The following POU2F3 variants were observed in gnomAD, a reference collection of about 807,000 sequenced individuals.
POU2F3 encodes POU class 2 homeobox 3, also known as POU domain, class 2, transcription factor 3.
A neutral mutation model predicts 59.2 loss-of-function variants in POU2F3; 23 were observed. The ratio of observed to expected loss-of-function variants is 0.39; its 90% confidence interval spans 0.28 to 0.55. The LOEUF (loss-of-function observed/expected upper bound fraction) is 0.55. POU2F3 is among the 20% of genes least tolerant of loss of function. The pLI is 0.66. For missense variants in POU2F3, 473 were observed against 544.5 expected, an observed-to-expected ratio of 0.87 and a Z score of 1.31; for synonymous variants, 190 against 214.6, an observed-to-expected ratio of 0.89 and a Z score of 1.00.
At chr11:120,260,935 G>A (rs184017141) in intron 2 of POU2F3, among the ~76,000 whole-genome samples, 4 of 152,130 alleles carry the variant, frequency 2.6e-5, no homozygotes, top group Admixed American at 1.3e-4. Context: ...AGTTGTGGTA[G>A]CACACCTGTG....
At chr11:120,294,298 G>C (rs1391165991) in intron 3 of POU2F3, among the ~76,000 whole-genome samples, 1 of 152,220 alleles carries the variant, frequency 6.6e-6, no homozygotes, top group African/African-American at 2.4e-5. Context: ...AGGCTGCTCA[G>C]TGGCTGTGGC....
chr11:120,255,838 C>A (rs566685574), intron 2 of POU2F3, among the ~76,000 whole-genome samples: 1 of 152,166 alleles, frequency 6.6e-6, no homozygotes, highest in Admixed American at 6.5e-5. Flanking sequence ...AGGACCACTG[C>A]GTGAATTCTG....
At chr11:120,298,501 G>A (rs1941254865) in intron 4 of POU2F3, 111 bp downstream of exon 4, 13 of 1,441,310 alleles carry the variant, frequency 9.0e-6, no homozygotes. Flanking sequence ...GGCAATGTGG[G>A]AAAGAGATCT....
intron 10 of POU2F3, among the ~76,000 whole-genome samples, 192 bp downstream of exon 10, chr11:120,309,778 G>A (rs959718462): frequency 6.6e-6 from 1 of 152,212 alleles, no homozygotes; most frequent in Admixed American, 6.5e-5. Context: ...CAGTAGAGAG[G>A]TCAGAGAGGA....
At chr11:120,314,355 G>A (rs1325487084) in intron 10 of POU2F3, among the ~76,000 whole-genome samples, 1 of 152,064 alleles carries the variant, frequency 6.6e-6, no homozygotes, top group Non-Finnish European at 1.5e-5. Context: ...AAGAATAAGG[G>A]GCAGTGAAAA....
chr11:120,317,081 C>A, intron 11 of POU2F3, 148 bp from the exon 12 acceptor site: 1 of 852,940 alleles, frequency 1.2e-6, no homozygotes, highest in Non-Finnish European at 1.9e-6. Flanking sequence ...GCTAATGAGG[C>A]AGGAGGTAGT....
chr11:120,267,253 C>T (rs540285625), intron 2 of POU2F3, among the ~76,000 whole-genome samples: 7 of 152,072 alleles, frequency 4.6e-5, no homozygotes, highest in Admixed American at 2.6e-4. Flanking sequence ...CTCACCCTCC[C>T]GAATAGCTGG....
intron 3 of POU2F3, among the ~76,000 whole-genome samples, chr11:120,291,366 A>G (rs1941013130): frequency 6.6e-6 from 1 of 152,208 alleles, no homozygotes; most frequent in Non-Finnish European, 1.5e-5. Context: ...GGTCTTTAGG[A>G]CTAACTTGAC....
chr11:120,299,248 T>C (rs774575379), intron 4 of POU2F3, among the ~76,000 whole-genome samples: 3 of 152,266 alleles, frequency 2.0e-5, no homozygotes, highest in East Asian at 1.9e-4. Flanking sequence ...TTAAAAAGAA[T>C]TGGATAGTTG....
chr11:120,302,633 C>T, intron 6 of POU2F3: 1 of 456,730 alleles, frequency 2.2e-6, no homozygotes, highest in South Asian at 3.0e-5. Flanking sequence ...CACTGAACTC[C>T]AACCCTGCAC....
intron 11 of POU2F3, 143 bp downstream of exon 11, chr11:120,315,570 C>A (rs1286182032): frequency 1.3e-6 from 1 of 790,680 alleles, no homozygotes; most frequent in Non-Finnish European, 2.0e-6. Context: ...AAAAAGGGTT[C>A]TGTGATCAAA....
At chr11:120,316,443 T>C (rs1468844437) in intron 11 of POU2F3, among the ~76,000 whole-genome samples, 1 of 152,212 alleles carries the variant, frequency 6.6e-6, no homozygotes, top group Non-Finnish European at 1.5e-5. Flanking sequence ...TTGTTTTGTT[T>C]TTTGAGACAG....
intron 3 of POU2F3, among the ~76,000 whole-genome samples, chr11:120,269,785 A>C (rs898943978): frequency 3.9e-5 from 6 of 152,204 alleles, no homozygotes; most frequent in African/African-American, 1.4e-4. Flanking sequence ...GAATGAGGTT[A>C]GACTTAGTTA....
rs1941472885 is a variant in POU2F3 at position 120,305,868 on chromosome 11, G to A, written c.769+83G>A. The A allele has an allele frequency of 1.3e-6, 2 of 1,531,812 alleles. 1 individual carries two copies. Among genetic ancestry groups the A allele is most frequent in the Non-Finnish European group, 1.8e-6 (2 of 1,131,128 alleles). The allele number at this position is 1,531,812 out of a possible 1,614,324, so 94.9% of individuals were successfully genotyped here. On this transcript the variant is annotated intron_variant, in intron 8 of 12. Coordinates refer to ENST00000543440, the MANE Select transcript of POU2F3 (RefSeq NM_014352.4). Reference sequence around the variant, plus strand: ...GTGACTTGTCGTGTTGGGGCTTTTGGGAGTTTGATACCTAACACCCCCTTC... The same window carrying A: ...GTGACTTGTCGTGTTGGGGCTTTTGAGAGTTTGATACCTAACACCCCCTTC...
chr11:120,316,911 G>A (rs562544161), intron 11 of POU2F3, among the ~76,000 whole-genome samples: 1 of 152,238 alleles, frequency 6.6e-6, no homozygotes, highest in South Asian at 2.1e-4. Context: ...GGGGCTGCAT[G>A]TGCCCAGCCT....
At chr11:120,308,443 C>T (rs542768896) in intron 9 of POU2F3, among the ~76,000 whole-genome samples, 3 of 152,230 alleles carry the variant, frequency 2.0e-5, no homozygotes, top group South Asian at 4.1e-4. Context: ...ACTGGCTTTT[C>T]CTTCTTTTTA....
At chr11:120,270,536 C>A (rs1183653542) in intron 3 of POU2F3, among the ~76,000 whole-genome samples, 1 of 152,046 alleles carries the variant, frequency 6.6e-6, no homozygotes, top group Non-Finnish European at 1.5e-5. Flanking sequence ...AGGGAGATGG[C>A]AAGAAGGAAG....
chr11:120,273,644 G>T (rs952042194), intron 3 of POU2F3, among the ~76,000 whole-genome samples: 1 of 152,166 alleles, frequency 6.6e-6, no homozygotes, highest in Non-Finnish European at 1.5e-5. Context: ...GGGAGGATGA[G>T]TGATGAACTG....
intron 10 of POU2F3, among the ~76,000 whole-genome samples, chr11:120,312,798 A>T (rs1941685080): frequency 6.6e-6 from 1 of 152,228 alleles, no homozygotes; most frequent in Non-Finnish European, 1.5e-5. Flanking sequence ...TGCCTAACCT[A>T]GTCCAGGGTA....
Sources: allele counts gnomAD v4.1 joint callset (sites outside exome capture counted in the v4.1 genomes callset), GRCh38; gene constraint gnomAD v4.1.1; transcripts MANE v1.5; gene names NCBI Gene and HGNC (gene_info 2026-07-23, HGNC 2026-07-21).